DIP2B: variants seen among roughly 807,000 people sequenced by gnomAD.
DIP2B encodes the protein disco-interacting protein 2 homolog B.
In DIP2B, 76 loss-of-function variants were observed where a neutral mutation model predicts 198.0. That is an observed-to-expected ratio of 0.38 (90% CI 0.32 to 0.46). DIP2B has a LOEUF of 0.46. Ranked by LOEUF, DIP2B falls within the 20% of genes least tolerant of loss-of-function variation. The pLI is 0.99. For synonymous variants in DIP2B, 701 were observed against 739.1 expected (o/e 0.95, Z 0.84); for missense variants, 1,559 against 1,978.4 (o/e 0.79, Z 4.02).
chr12:50,617,443 C>T (rs1482716501), intron 1 of DIP2B, among the ~76,000 whole-genome samples: 1 of 151,938 alleles, frequency 6.6e-6, no homozygotes, highest in Non-Finnish European at 1.5e-5. Flanking sequence ...GCGTGAGCCA[C>T]CGCACCCGGC....
chr12:50,688,453 A>G (rs1939168337), intron 12 of DIP2B, among the ~76,000 whole-genome samples: 1 of 152,080 alleles, frequency 6.6e-6, no homozygotes, highest in Admixed American at 6.5e-5. Flanking sequence ...GGAATTCAAG[A>G]CTAACCTGAG....
chr12:50,514,514 G>A (rs573766731), intron 1 of DIP2B, among the ~76,000 whole-genome samples: 1 of 152,206 alleles, frequency 6.6e-6, no homozygotes, highest in African/African-American at 2.4e-5. Context: ...CTGTTCGAAG[G>A]TCTGTCCCTC....
Position 50,686,588 on chromosome 12 carries a change from A to G in DIP2B, c.1457A>G (p.Lys486Arg). 6.2e-7 allele frequency: 1 copy of G among 1,614,070 alleles called. No individual in the cohort carries two copies. Among genetic ancestry groups the G allele is most frequent in the Non-Finnish European group, 8.5e-7 (1 of 1,180,008 alleles). Residue 486 changes from lysine to arginine, a missense_variant, in exon 12 of 38, where the codon AAA becomes AGA. Physicochemically the swap from Lys to Arg is conservative, Grantham distance 26. Transcript: ENST00000301180. ...IVQFKGWPRL[K>R]WVVTDSKYLS... ...TTTGATTTAGGTTGGCCCCGGCTCA[A>G]ATGGGTTGTAACAGATTCCAAGTAC...
intron 1 of DIP2B, among the ~76,000 whole-genome samples, chr12:50,518,452 G>A (rs923329673): frequency 1.3e-5 from 2 of 152,022 alleles, no homozygotes; most frequent in African/African-American, 2.4e-5. Context: ...TCAAGTGATC[G>A]CCCACCCCGG....
rs1489574627 is a variant in DIP2B, at chr12:50,623,443, T to A, written c.101-2533T>A. Among the ~76,000 whole-genome samples the A allele has an allele frequency of 5.5e-3, 434 of 79,500 alleles. 1 individual carries two copies. Among genetic ancestry groups the A allele is most frequent in the East Asian group, 0.022 (86 of 3,868 alleles). The allele number at this position is 79,500 out of a possible 152,430, so 52.2% of individuals were successfully genotyped here. A position where few individuals can be genotyped will look rare whatever the true frequency, so the allele number is the denominator to read the frequency against. On this transcript the variant is annotated intron_variant, in intron 1 of 37. Transcript: ENST00000301180. ...CACACACACACACACACACACTCTC[T>A]CTCTCTCTCTCTCTCTCTCTCTCTC... is the stretch of plus-strand genomic sequence containing the variant.
chr12:50,524,770 C>T (rs1185518879), intron 1 of DIP2B, among the ~76,000 whole-genome samples: 1 of 152,098 alleles, frequency 6.6e-6, no homozygotes, highest in Non-Finnish European at 1.5e-5. Flanking sequence ...TTTTTTGAGA[C>T]AGGTTGGAGT....
chr12:50,624,607 C>T (rs910373567), intron 1 of DIP2B, among the ~76,000 whole-genome samples: 2 of 152,202 alleles, frequency 1.3e-5, no homozygotes, highest in African/African-American at 4.8e-5. Flanking sequence ...GCTGGGATTA[C>T]AGGCATGAGC....
chr12:50,539,374 T>C (rs896955764), intron 1 of DIP2B, among the ~76,000 whole-genome samples: 2 of 151,988 alleles, frequency 1.3e-5, no homozygotes, highest in African/African-American at 4.8e-5. Flanking sequence ...ACCAGCACTT[T>C]TGAGAAACCT....
intron 34 of DIP2B, 144 bp from the exon 35 acceptor site, chr12:50,736,892 C>T (rs1029078016): frequency 1.4e-6 from 1 of 706,166 alleles, no homozygotes; most frequent in African/African-American, 1.8e-5. Context: ...CCATGATCCC[C>T]TCAGGGTAGC....
rs192892380 is a variant in DIP2B, at chr12:50,631,494, G to A, written c.172+5447G>A. On this transcript the variant is annotated intron_variant, in intron 2 of 37. Coordinates refer to ENST00000301180, the MANE Select transcript of DIP2B (RefSeq NM_173602.3). ...CCTGCCTCGGCCTCCCAAAGAGGTG[G>A]GATTACAGGCATGAGCCACCGTGCC... Among the ~76,000 whole-genome samples the A allele has an allele frequency of 2.9e-3, 446 of 152,120 alleles. 5 individuals carry two copies. The highest frequency in any genetic ancestry group is 0.01 in the African/African-American group (423 of 41,494).
At chr12:50,712,093 A>C (rs1319209175) in intron 22 of DIP2B, among the ~76,000 whole-genome samples, 1 of 152,196 alleles carries the variant, frequency 6.6e-6, no homozygotes, top group Non-Finnish European at 1.5e-5. Flanking sequence ...ACTTGAGCCC[A>C]GCAATTTGAG....
At chr12:50,665,471 C>T (rs575902100) in intron 4 of DIP2B, among the ~76,000 whole-genome samples, 165 of 152,106 alleles carry the variant, frequency 1.1e-3, no homozygotes, top group Non-Finnish European at 1.1e-3. Flanking sequence ...ACTTTATAGC[C>T]GCGACTCATG....
intron 2 of DIP2B, among the ~76,000 whole-genome samples, chr12:50,627,387 G>A (rs746141800): frequency 1.1e-4 from 17 of 151,968 alleles, no homozygotes; most frequent in South Asian, 2.1e-4. Flanking sequence ...AGGCGGGAGC[G>A]CAGTGGTGCG....
intron 1 of DIP2B, among the ~76,000 whole-genome samples, chr12:50,522,799 G>A (rs994984824): frequency 7.2e-5 from 11 of 152,206 alleles, no homozygotes; most frequent in Non-Finnish European, 1.2e-4. Context: ...CTAGTCGTCT[G>A]AAAGAAACAT....
At chr12:50,539,040 C>T (rs1284411670) in intron 1 of DIP2B, among the ~76,000 whole-genome samples, 1 of 152,084 alleles carries the variant, frequency 6.6e-6, no homozygotes, top group East Asian at 1.9e-4. Flanking sequence ...GCGTGTTGAG[C>T]TTTAAGTTCT....
Position 50,678,659 on chromosome 12 carries a change from T to A in DIP2B, c.917-20T>A. 4 of 1,607,886 alleles carry A rather than the reference T, an allele frequency of 2.5e-6. No individual in the cohort carries two copies. The highest frequency in any genetic ancestry group is 3.4e-6 in the Non-Finnish European group (4 of 1,176,452). On this transcript the variant is annotated intron_variant, in intron 7 of 37. Coordinates refer to ENST00000301180, the MANE Select transcript of DIP2B (RefSeq NM_173602.3). ...TTGGTATTTGTACTCATTTCACTCA[T>A]TGGGATTTTCCTGGTACAGTACCTC... is the stretch of plus-strand genomic sequence containing the variant.
At chr12:50,547,467 C>G (rs1486437961) in intron 1 of DIP2B, among the ~76,000 whole-genome samples, 1 of 152,050 alleles carries the variant, frequency 6.6e-6, no homozygotes, top group African/African-American at 2.4e-5. Context: ...AGATATTAAT[C>G]GAAGTATTAT....
intron 1 of DIP2B, among the ~76,000 whole-genome samples, chr12:50,573,367 C>T (rs1165972390): frequency 4.6e-5 from 7 of 152,226 alleles, no homozygotes; most frequent in Non-Finnish European, 8.8e-5. Context: ...GCGCATGCTG[C>T]TCTCCTTGTT....
At chr12:50,608,439 T>A (rs1959002879) in intron 1 of DIP2B, among the ~76,000 whole-genome samples, 1 of 151,856 alleles carries the variant, frequency 6.6e-6, no homozygotes, top group South Asian at 2.1e-4. Flanking sequence ...CTGGCCAACA[T>A]GGAGAAACTC....
Sources: allele counts gnomAD v4.1 joint callset (sites outside exome capture counted in the v4.1 genomes callset), GRCh38; gene constraint gnomAD v4.1.1; transcripts MANE v1.5; gene names NCBI Gene and HGNC (gene_info 2026-07-23, HGNC 2026-07-21).